The following HPGDS variants were observed in gnomAD, a reference collection of about 807,000 sequenced individuals.
HPGDS encodes hematopoietic prostaglandin D synthase.
In HPGDS, 26 loss-of-function variants were observed where a neutral mutation model predicts 23.1. The ratio of observed to expected loss-of-function variants is 1.13; its 90% CI spans 0.83 to 1.56. HPGDS has a LOEUF of 1.56. HPGDS is among the 40% of genes most tolerant of loss of function. HPGDS has a pLI of 0.00. For synonymous variants in HPGDS, 95 were observed against 77.9 expected (o/e 1.22, Z -1.16); for missense variants, 268 against 236.4 (o/e 1.13, Z -0.88).
At chr4:94,336,369 A>T (rs1721012596) in intron 1 of HPGDS, among the ~76,000 whole-genome samples, 1 of 152,176 alleles carries the variant, frequency 6.6e-6, no homozygotes, top group East Asian at 1.9e-4. Flanking sequence ...AGAAGCTCCC[A>T]GGTTCAGGAA....
At chr4:94,337,181 GT>G (rs531650595) in intron 1 of HPGDS, among the ~76,000 whole-genome samples, 174 of 152,110 alleles carry the variant, frequency 1.1e-3, no homozygotes, top group Middle Eastern at 3.4e-3. Flanking sequence ...GGCCAGACTG[GT>G]CTCAGATTGG....
intron 5 of HPGDS, among the ~76,000 whole-genome samples, chr4:94,300,415 T>C (rs1756017153): frequency 6.6e-6 from 1 of 152,246 alleles, no homozygotes; most frequent in Admixed American, 6.5e-5. Flanking sequence ...TGCTGTTACT[T>C]TGGCTCCATA....
chr4:94,340,311 C>CTTTCTTTCTTTCTTTTTCTTTTCTT, intron 1 of HPGDS, among the ~76,000 whole-genome samples: 1 of 23,686 alleles, frequency 4.2e-5, no homozygotes, highest in Non-Finnish European at 8.7e-5. Context: ...CTTTCTTTCT[C>CTTTCTTTCTTTCTTTTTCTTTTCTT]TTTTTTTTTT....
At position 94,298,971 on chromosome 4, in the gene HPGDS, C is replaced by T. The variant is rs1382435986; in HGVS notation, c.*509G>A. On this transcript the variant is annotated 3_prime_UTR_variant, in exon 6 of 6. Coordinates refer to ENST00000295256, the MANE Select transcript of HPGDS (RefSeq NM_014485.3). ...CAAGCAGGCAATAGCAATACAACTA[C>T]ACACTTTGCTATCTATGCAGGAATA... 1 of 152,446 alleles carries T rather than the reference C, an allele frequency of 6.6e-6. No homozygotes were observed. The highest frequency in any genetic ancestry group is 1.5e-5 in the Non-Finnish European group (1 of 68,220). 9.4% of individuals were successfully genotyped at this position (152,446 alleles called of 1,614,324 possible). A position where few individuals can be genotyped will look rare whatever the true frequency, so the allele number is the denominator to read the frequency against.
At chr4:94,314,725 C>T (rs1364194448) in intron 3 of HPGDS, among the ~76,000 whole-genome samples, 1 of 152,180 alleles carries the variant, frequency 6.6e-6, no homozygotes, top group African/African-American at 2.4e-5. Context: ...TGGCTATGCC[C>T]TGCCCCCAGA....
At chr4:94,304,256 A>G (rs192793368) in intron 4 of HPGDS, among the ~76,000 whole-genome samples, 4 of 152,250 alleles carry the variant, frequency 2.6e-5, no homozygotes, top group African/African-American at 9.6e-5. Flanking sequence ...TGGAACCACG[A>G]CATCAGAATG....
intron 3 of HPGDS, among the ~76,000 whole-genome samples, chr4:94,316,473 A>G (rs114903012): frequency 1.2e-3 from 67 of 57,780 alleles, no homozygotes; most frequent in African/African-American, 6.0e-3. Context: ...AGCCACAAAT[A>G]CAAAGTAACC....
At chr4:94,315,777 G>T (rs1756384981) in intron 3 of HPGDS, among the ~76,000 whole-genome samples, 1 of 152,078 alleles carries the variant, frequency 6.6e-6, no homozygotes, top group African/African-American at 2.4e-5. Context: ...ATATTCAAAG[G>T]TTGATTATTC....
chr4:94,321,495 A>G (rs1211513497), intron 2 of HPGDS, among the ~76,000 whole-genome samples: 1 of 152,058 alleles, frequency 6.6e-6, no homozygotes, highest in Admixed American at 6.6e-5. Context: ...TTTAAGTTGG[A>G]TTCCTAGGTA....
At chr4:94,304,680 A>G (rs1756107885) in intron 4 of HPGDS, among the ~76,000 whole-genome samples, 1 of 152,114 alleles carries the variant, frequency 6.6e-6, no homozygotes, top group African/African-American at 2.4e-5. Context: ...TATAGCTATC[A>G]GCAATGTTTC....
At chr4:94,320,148 A>ATCC (rs1402662075) in intron 2 of HPGDS, among the ~76,000 whole-genome samples, 1 of 152,066 alleles carries the variant, frequency 6.6e-6, no homozygotes, top group African/African-American at 2.4e-5. Flanking sequence ...CATTTTCTTA[A>ATCC]TCCTGTCTAA....
chr4:94,334,175 C>T (rs1237832007), intron 2 of HPGDS: 2 of 183,634 alleles, frequency 1.1e-5, no homozygotes, highest in Non-Finnish European at 2.2e-5. Flanking sequence ...GGAAAAATTA[C>T]CTAAACTCTG....
At chr4:94,318,696 C>T (rs1281063073) in intron 2 of HPGDS, among the ~76,000 whole-genome samples, 1 of 151,956 alleles carries the variant, frequency 6.6e-6, no homozygotes, top group African/African-American at 2.4e-5. Flanking sequence ...GAAGAATGTG[C>T]AGTCTGTAGC....
chr4:94,304,928 T>C (rs1270878658), intron 4 of HPGDS, among the ~76,000 whole-genome samples: 1 of 152,036 alleles, frequency 6.6e-6, no homozygotes, highest in African/African-American at 2.4e-5. Context: ...ACTGATAAAT[T>C]GATAGACTGC....
At position 94,340,159 on chromosome 4, in the gene HPGDS, T is replaced by C. The variant is rs548928900; in HGVS notation, c.-10+2636A>G. Among the ~76,000 whole-genome samples the C allele has an allele frequency of 3.3e-5, 5 of 151,978 alleles. No homozygotes were observed. The East Asian group carries it at 5.8e-4, about 18-fold the overall frequency. ...TTTTAGTGGAGATGGGGTTTCACCA[T>C]GTTGGCCAGGATGGTCTCGATCATC... On this transcript the variant is annotated intron_variant, in intron 1 of 5. Transcript: ENST00000295256.
At chr4:94,336,323 G>C (rs1187086565) in intron 1 of HPGDS, among the ~76,000 whole-genome samples, 3 of 152,138 alleles carry the variant, frequency 2.0e-5, no homozygotes, top group Admixed American at 6.6e-5. Context: ...AGTCTAGTGG[G>C]AAGAGGATGA....
intron 1 of HPGDS, among the ~76,000 whole-genome samples, chr4:94,335,103 G>C (rs1720972730): frequency 1.3e-5 from 2 of 152,190 alleles, no homozygotes; most frequent in African/African-American, 4.8e-5. Context: ...CATGCAAGAG[G>C]AATGTGAGTG....
chr4:94,342,287 G>A (rs544768915), intron 1 of HPGDS, among the ~76,000 whole-genome samples: 1 of 152,232 alleles, frequency 6.6e-6, no homozygotes, highest in South Asian at 2.1e-4. Flanking sequence ...AACCATCTCT[G>A]AAGCCAAAAG....
At chr4:94,323,055 C>A (rs182640186) in intron 2 of HPGDS, among the ~76,000 whole-genome samples, 122 of 152,282 alleles carry the variant, frequency 8.0e-4, no homozygotes, top group East Asian at 2.7e-3. Context: ...TGTTCAGTTT[C>A]CATGTATTTG....
Sources: allele counts gnomAD v4.1 joint callset (sites outside exome capture counted in the v4.1 genomes callset), GRCh38; gene constraint gnomAD v4.1.1; transcripts MANE v1.5; gene names NCBI Gene and HGNC (gene_info 2026-07-23, HGNC 2026-07-21).